The following EPM2A variants were observed in gnomAD, a reference collection of about 807,000 sequenced individuals.
The protein encoded by EPM2A is laforin.
EPM2A carries 21 observed loss-of-function variants against 26.5 expected under a neutral mutation model. That is an observed-to-expected ratio of 0.79 (90% confidence interval 0.56 to 1.14). The LOEUF (loss-of-function observed/expected upper bound fraction) is 1.14. Ranked by LOEUF, EPM2A falls within the 50% of genes most tolerant of loss-of-function variation. The pLI is 0.00. For missense variants in EPM2A, 458 were observed against 440.8 expected (o/e 1.04, Z -0.35); for synonymous variants, 217 against 177.6 (o/e 1.22, Z -1.76).
At chr6:145,662,157 C>T (rs985913003) in intron 2 of EPM2A, among the ~76,000 whole-genome samples, 13 of 152,178 alleles carry the variant, frequency 8.5e-5, no homozygotes, top group African/African-American at 2.4e-4. Context: ...CTCCCTTCTT[C>T]CCACTTCCTT....
At chr6:145,493,009 C>A (rs914296015) in intron 4 of EPM2A, among the ~76,000 whole-genome samples, 1 of 152,206 alleles carries the variant, frequency 6.6e-6, no homozygotes, top group Non-Finnish European at 1.5e-5. Flanking sequence ...TGCCTCCTGT[C>A]CCTATCACTT....
chr6:145,518,196 A>G (rs1396348118), intron 2 of EPM2A, among the ~76,000 whole-genome samples: 1 of 152,174 alleles, frequency 6.6e-6, no homozygotes, highest in Non-Finnish European at 1.5e-5. Context: ...TCATTTTCTC[A>G]ATACCCCAGT....
At chr6:145,458,954 T>C (rs958731580) in intron 4 of EPM2A, among the ~76,000 whole-genome samples, 1 of 152,262 alleles carries the variant, frequency 6.6e-6, no homozygotes, top group Middle Eastern at 3.4e-3. Context: ...ACATTCTTCA[T>C]AGTCTTGGAA....
At chr6:145,614,816 GAAT>G (rs1775470499) in intron 2 of EPM2A, among the ~76,000 whole-genome samples, 1 of 152,172 alleles carries the variant, frequency 6.6e-6, no homozygotes, top group Non-Finnish European at 1.5e-5. Context: ...ATAGTAGATA[GAAT>G]AATAATGAAA....
Position 145,517,798 on chromosome 6 carries a change from T to C in EPM2A, c.341-15223A>G, listed in dbSNP as rs565067120. Among the ~76,000 whole-genome samples, 6 of 152,250 alleles carry C rather than the reference T, an allele frequency of 3.9e-5. No individual in the cohort carries two copies. In the South Asian group the frequency reaches 1.2e-3, roughly 32 times the overall value. On this transcript the variant is annotated intron_variant, in intron 2 of 3. Transcript: ENST00000450221. ...TTCAGGCCCTATTTGAACAGAAATA[T>C]GGGTCTTCTGGAATTATGGTGAATT...
At chr6:145,714,962 G>A (rs940847732) in intron 1 of EPM2A, among the ~76,000 whole-genome samples, 3 of 152,172 alleles carry the variant, frequency 2.0e-5, no homozygotes, top group Non-Finnish European at 2.9e-5. Context: ...GTGAGTGACT[G>A]TGGTAATAGT....
chr6:145,498,366 C>T (rs1007615828), downstream of EPM2A, among the ~76,000 whole-genome samples: 1 of 152,172 alleles, frequency 6.6e-6, no homozygotes, highest in African/African-American at 2.4e-5. Flanking sequence ...TACCTGTGGA[C>T]CACCTGCCTT....
chr6:145,673,043 T>C (rs977020000), intron 2 of EPM2A, among the ~76,000 whole-genome samples: 2 of 151,956 alleles, frequency 1.3e-5, no homozygotes, highest in African/African-American at 2.4e-5. Context: ...ATGTGAGCTA[T>C]TGAGACAAAC....
At chr6:145,661,858 C>A (rs1778733913) in intron 2 of EPM2A, among the ~76,000 whole-genome samples, 1 of 152,102 alleles carries the variant, frequency 6.6e-6, no homozygotes, top group African/African-American at 2.4e-5. Context: ...GATCACTGAT[C>A]TCTATCATAA....
chr6:145,551,556 A>C (rs1372301345), intron 2 of EPM2A, among the ~76,000 whole-genome samples: 1 of 152,142 alleles, frequency 6.6e-6, no homozygotes, highest in Non-Finnish European at 1.5e-5. Context: ...TGAGACCTCA[A>C]CTTGGCCTTC....
chr6:145,480,000 G>A (rs887208058), intron 4 of EPM2A, among the ~76,000 whole-genome samples: 4 of 151,982 alleles, frequency 2.6e-5, no homozygotes, highest in Middle Eastern at 6.8e-3. Flanking sequence ...TTTCAATTTC[G>A]TAATGATTAG....
intron 4 of EPM2A, among the ~76,000 whole-genome samples, chr6:145,488,361 T>C (rs1002482306): frequency 6.6e-6 from 1 of 152,114 alleles, no homozygotes; most frequent in Non-Finnish European, 1.5e-5. Flanking sequence ...AGAATGTCAA[T>C]GGTAGTTCGA....
chr6:145,552,345 T>A lies in EPM2A; in HGVS notation c.341-49770A>T, dbSNP rs553815864. Among the ~76,000 whole-genome samples the A allele has an allele frequency of 2.6e-5, 4 of 152,026 alleles. No homozygotes were observed. The East Asian group carries it at 7.8e-4, about 30-fold the overall frequency. On this transcript the variant is annotated intron_variant, in intron 2 of 3. Transcript: ENST00000450221. ...ACAAAGAAGAAACACTTTTAAAAGC[T>A]TCCAAGAAAATACAGATAACCTACA...
intron 1 of EPM2A, among the ~76,000 whole-genome samples, chr6:145,703,450 CA>C (rs1782046531): frequency 6.6e-6 from 1 of 152,014 alleles, no homozygotes; most frequent in Admixed American, 6.5e-5. Context: ...AAAGATTTGG[CA>C]CAAAACAATT....
chr6:145,692,062 G>C (rs547805481), intron 1 of EPM2A, among the ~76,000 whole-genome samples: 1 of 151,988 alleles, frequency 6.6e-6, no homozygotes, highest in Non-Finnish European at 1.5e-5. Context: ...TAATCAAAAA[G>C]CAGGAGTAGT....
chr6:145,699,276 A>C (rs929134099), intron 1 of EPM2A, among the ~76,000 whole-genome samples: 1 of 152,208 alleles, frequency 6.6e-6, no homozygotes, highest in Non-Finnish European at 1.5e-5. Context: ...ATAATTTTAA[A>C]ACTGTATGTT....
At chr6:145,707,642 G>A (rs1488169333) in intron 1 of EPM2A, among the ~76,000 whole-genome samples, 3 of 152,158 alleles carry the variant, frequency 2.0e-5, no homozygotes, top group South Asian at 2.1e-4. Flanking sequence ...CATGTAAGAC[G>A]TGATTTTGCC....
intron 4 of EPM2A, among the ~76,000 whole-genome samples, chr6:145,409,204 A>G (rs549238819): frequency 1.0e-3 from 153 of 152,292 alleles, no homozygotes; most frequent in Non-Finnish European, 1.8e-3. Flanking sequence ...ACATGTCTGT[A>G]GAGCAACTTA....
At chr6:145,678,465 C>T (rs1004817729) in intron 2 of EPM2A, among the ~76,000 whole-genome samples, 1 of 152,114 alleles carries the variant, frequency 6.6e-6, no homozygotes, top group African/African-American at 2.4e-5. Flanking sequence ...AACAGGAAAC[C>T]TACAGAATGG....
Sources: allele counts gnomAD v4.1 joint callset (sites outside exome capture counted in the v4.1 genomes callset), GRCh38; gene constraint gnomAD v4.1.1; transcripts MANE v1.5; gene names NCBI Gene and HGNC (gene_info 2026-07-23, HGNC 2026-07-21).